The following MYO3A variants were observed in gnomAD, a reference collection of about 807,000 sequenced individuals.
MYO3A encodes the protein myosin IIIA.
In MYO3A, 180 loss-of-function variants were observed where a neutral mutation model predicts 192.7. That is an observed-to-expected ratio of 0.93 (90% CI 0.83 to 1.06). The LOEUF (loss-of-function observed/expected upper bound fraction) is 1.06, where lower values mean the gene tolerates loss of function less well. Ranked by LOEUF, MYO3A falls within the 50% of genes least tolerant of loss-of-function variation. MYO3A has a pLI of 0.00. For synonymous variants in MYO3A, 628 were observed against 645.3 expected (o/e 0.97, Z 0.41); for missense variants, 1,896 against 1,905.0 (o/e 1.00, Z 0.09).
At chr10:26,134,791 G>A (rs1008329587) in intron 20 of MYO3A, among the ~76,000 whole-genome samples, 4 of 152,042 alleles carry the variant, frequency 2.6e-5, no homozygotes, top group Non-Finnish European at 4.4e-5. Flanking sequence ...TGATAAAGGA[G>A]GATTTTTGTC....
chr10:26,092,348 C>G (rs1836751114), intron 15 of MYO3A, among the ~76,000 whole-genome samples: 1 of 152,096 alleles, frequency 6.6e-6, no homozygotes, highest in African/African-American at 2.4e-5. Context: ...CGCCTGTAGT[C>G]CCAGCTACTC....
At chr10:25,979,078 C>T (rs985031002) in intron 4 of MYO3A, among the ~76,000 whole-genome samples, 10 of 152,102 alleles carry the variant, frequency 6.6e-5, no homozygotes, top group African/African-American at 9.7e-5. Flanking sequence ...TGTCTTTCAC[C>T]TCACATTCTA....
At position 26,001,370 on chromosome 10, in the gene MYO3A, C is replaced by CAGA. The variant is rs1402768992; in HGVS notation, c.508+4116_508+4118dup. Among the ~76,000 whole-genome samples, 24 of 150,044 alleles carry CAGA rather than the reference C, an allele frequency of 1.6e-4. 1 individual carries two copies. The highest frequency in any genetic ancestry group is 6.1e-4 in the African/African-American group (24 of 39,644). On this transcript the variant is annotated intron_variant, in intron 6 of 34. Coordinates refer to ENST00000642920, the MANE Select transcript of MYO3A (RefSeq NM_017433.5). ...TGGAAAGTTTCTAGAAGGGGTTTTT[C>CAGA]AGAAGATAAGGGGGGTGGGTGTACA... is the stretch of plus-strand genomic sequence containing the variant.
chr10:26,013,223 A>T (rs1014827989), intron 6 of MYO3A, among the ~76,000 whole-genome samples: 1 of 152,096 alleles, frequency 6.6e-6, no homozygotes, highest in African/African-American at 2.4e-5. Context: ...TAGGCAAAGA[A>T]TTCATGACTA....
At chr10:26,097,395 T>C (rs2131564157) in intron 17 of MYO3A, among the ~76,000 whole-genome samples, 1 of 152,324 alleles carries the variant, frequency 6.6e-6, no homozygotes, top group African/African-American at 2.4e-5. Flanking sequence ...TTTTATTTTT[T>C]TTTAATTATA....
intron 2 of MYO3A, among the ~76,000 whole-genome samples, chr10:25,938,175 C>G (rs377594474): frequency 2.0e-5 from 3 of 152,070 alleles, no homozygotes; most frequent in Non-Finnish European, 1.5e-5. Context: ...ATTGCATTTA[C>G]GGGTGTAGTA....
At chr10:26,195,705 C>G (rs1843375651) in intron 32 of MYO3A, among the ~76,000 whole-genome samples, 1 of 152,226 alleles carries the variant, frequency 6.6e-6, no homozygotes, top group Non-Finnish European at 1.5e-5. Context: ...CAGCCTAAAA[C>G]ACACATCCTC....
At chr10:26,095,280 ATAAT>A (rs1291986751) in intron 15 of MYO3A, among the ~76,000 whole-genome samples, 1 of 152,214 alleles carries the variant, frequency 6.6e-6, no homozygotes. Context: ...TGGTTGAGAC[ATAAT>A]TAATTTAACC....
At chr10:25,987,101 A>G (rs1839701003) in intron 4 of MYO3A, among the ~76,000 whole-genome samples, 1 of 152,142 alleles carries the variant, frequency 6.6e-6, no homozygotes, top group Admixed American at 6.5e-5. Flanking sequence ...ACAAAAACAT[A>G]AAGTGGGGAA....
intron 17 of MYO3A, among the ~76,000 whole-genome samples, chr10:26,113,478 A>AC (rs1160725181): frequency 6.7e-6 from 1 of 149,736 alleles, no homozygotes; most frequent in Non-Finnish European, 1.5e-5. Context: ...CAAAAAAACA[A>AC]AAAAAAAAAC....
rs202239957 is a variant in MYO3A at position 26,021,574 on chromosome 10, G to A, written c.657G>A (p.Thr219=). The part of the protein sequence containing the change: ...ARCDTWSLGI[T]AIELGDGDPP... ...GTGACACTTGGTCCCTGGGTATCAC[G>A]GCCATTGAGCTGGGTGATGGAGATC... The change falls in exon 8 of 35, where the codon ACG becomes ACA. Residue 219 remains threonine (T), a synonymous_variant. Transcript: ENST00000642920. 6.2e-6 allele frequency: 10 copies of A among 1,613,906 alleles called. No individual in the cohort carries two copies. In the African/African-American group the frequency reaches 8.0e-5, roughly 13 times the overall value.
chr10:26,003,585 G>A (rs1420554418), intron 6 of MYO3A, among the ~76,000 whole-genome samples: 2 of 152,090 alleles, frequency 1.3e-5, no homozygotes, highest in Admixed American at 6.6e-5. Context: ...TTAATGAAAT[G>A]TATTAGCCAT....
chr10:26,211,086 C>G (rs1844201068), intron 34 of MYO3A, among the ~76,000 whole-genome samples: 1 of 152,176 alleles, frequency 6.6e-6, no homozygotes, highest in East Asian at 1.9e-4. Flanking sequence ...GTCTCCTGCA[C>G]TAGACTATAA....
intron 14 of MYO3A, among the ~76,000 whole-genome samples, chr10:26,076,594 G>GT (rs1322127654): frequency 2.0e-5 from 3 of 152,066 alleles, no homozygotes; most frequent in Non-Finnish European, 4.4e-5. Context: ...GTCTAAAAGG[G>GT]TTTTTCCAAT....
rs1837256327 is a variant in MYO3A, at chr10:25,952,285, C to T, written c.168+7C>T. 1.2e-6 allele frequency: 2 copies of T among 1,610,814 alleles called. No homozygotes were observed. Among genetic ancestry groups the T allele is most frequent in the Non-Finnish European group, 1.7e-6 (2 of 1,178,016 alleles). Reference sequence around the variant, plus strand: ...AATTCTTGATCCAATTCACGTAAGTCATATTTTTTCCTTCTAATTAGCTTT... The same window carrying T: ...AATTCTTGATCCAATTCACGTAAGTTATATTTTTTCCTTCTAATTAGCTTT... On this transcript the variant is annotated splice_region_variant and intron_variant, in intron 3 of 34. Coordinates refer to ENST00000642920, the MANE Select transcript of MYO3A (RefSeq NM_017433.5).
intron 34 of MYO3A, among the ~76,000 whole-genome samples, chr10:26,205,832 G>A (rs778928874): frequency 1.6e-4 from 24 of 151,762 alleles, no homozygotes; most frequent in Non-Finnish European, 1.8e-4. Flanking sequence ...TGTTAGCCAG[G>A]ATGGTCTCGA....
intron 10 of MYO3A, among the ~76,000 whole-genome samples, chr10:26,042,400 T>C (rs921980744): frequency 1.3e-5 from 2 of 152,168 alleles, no homozygotes; most frequent in African/African-American, 2.4e-5. Flanking sequence ...ATAAACTTTC[T>C]ACCCCTCTTT....
chr10:26,110,665 TATC>T (rs1838108124), intron 17 of MYO3A, among the ~76,000 whole-genome samples: 1 of 152,258 alleles, frequency 6.6e-6, no homozygotes, highest in Non-Finnish European at 1.5e-5. Context: ...ATTTAGAACT[TATC>T]ATGGATACCT....
At chr10:26,036,196 C>T in intron 10 of MYO3A, among the ~76,000 whole-genome samples, 1 of 152,088 alleles carries the variant, frequency 6.6e-6, no homozygotes, top group East Asian at 1.9e-4. Context: ...GCCTCGACCT[C>T]CCAAAGTGCT....
Sources: gnomAD v4.1 joint callset for allele counts (sites outside exome capture counted in the v4.1 genomes callset) on GRCh38, gnomAD v4.1.1 for gene constraint, MANE v1.5 for transcripts, NCBI Gene and HGNC (gene_info 2026-07-23, HGNC 2026-07-21) for gene names.